The following HS6ST2 variants were observed in gnomAD, a reference collection of about 807,000 sequenced individuals.
HS6ST2 encodes heparan sulfate 6-O-sulfotransferase 2.
Under a neutral mutation model 33.0 loss-of-function variants are expected in HS6ST2, and 17 were observed. That is an observed-to-expected ratio of 0.52 (90% CI 0.35 to 0.77). The LOEUF is 0.77. Among genes scored for constraint, HS6ST2 ranks in the 30% least tolerant of loss-of-function variants. HS6ST2 has a pLI of 0.01. For synonymous variants in HS6ST2, 248 were observed against 237.1 expected (o/e 1.05, Z -0.42); for missense variants, 519 against 551.7 (o/e 0.94, Z 0.59).
At chrX:132,762,938 G>A (rs1436937145) in intron 2 of HS6ST2, among the ~76,000 whole-genome samples, 1 of 111,852 alleles carries the variant, frequency 8.9e-6, no homozygotes, top group Non-Finnish European at 1.9e-5. Flanking sequence ...ATGTGACCCT[G>A]GGTAAGTTTC....
intron 2 of HS6ST2, among the ~76,000 whole-genome samples, chrX:132,923,058 G>A (rs1479860504): frequency 3.3e-5 from 2 of 60,048 alleles, no homozygotes; most frequent in East Asian, 1.1e-3. Flanking sequence ...GCTGGACTCT[G>A]TCTCAAAAAA....
chrX:132,931,371 G>T (rs1251222052), intron 2 of HS6ST2, among the ~76,000 whole-genome samples: 2 of 111,799 alleles, frequency 1.8e-5, no homozygotes, highest in Non-Finnish European at 3.8e-5. Flanking sequence ...GAAGACAGGG[G>T]CTCCCTTCCT....
At chrX:132,642,115 G>T (rs958551641) in intron 4 of HS6ST2, among the ~76,000 whole-genome samples, 2 of 111,171 alleles carry the variant, frequency 1.8e-5, no homozygotes, top group African/African-American at 6.5e-5. Context: ...AAGAAATCAA[G>T]TAAGAGGCCT....
intron 2 of HS6ST2, among the ~76,000 whole-genome samples, chrX:132,809,398 A>C (rs146738173): frequency 1.8e-5 from 2 of 112,400 alleles, no homozygotes; most frequent in South Asian, 3.7e-4. Context: ...ATCTCTGAGA[A>C]TAGATCCCAG....
intron 4 of HS6ST2, among the ~76,000 whole-genome samples, chrX:132,641,896 T>C (rs1372197520): frequency 8.9e-6 from 1 of 112,380 alleles, no homozygotes; most frequent in East Asian, 2.8e-4. Flanking sequence ...TCTGTGGTTT[T>C]TGTGGGCCCC....
intron 2 of HS6ST2, among the ~76,000 whole-genome samples, chrX:132,898,103 A>T (rs1364229632): frequency 3.7e-5 from 4 of 109,235 alleles, no homozygotes; most frequent in Non-Finnish European, 7.6e-5. Context: ...CATGCAACGG[A>T]TCTAGGTTGC....
chrX:132,905,789 C>T (rs1439583800), intron 2 of HS6ST2, among the ~76,000 whole-genome samples: 1 of 111,785 alleles, frequency 8.9e-6, no homozygotes, highest in Non-Finnish European at 1.9e-5. Context: ...CTTAATTTAG[C>T]TATTTCCGTT....
chrX:132,750,108 C>T (rs1288747022), intron 2 of HS6ST2, among the ~76,000 whole-genome samples: 1 of 110,193 alleles, frequency 9.1e-6, no homozygotes, highest in African/African-American at 3.3e-5. Flanking sequence ...TGCAAAACAC[C>T]AAGAGCCAAC....
intron 2 of HS6ST2, among the ~76,000 whole-genome samples, chrX:132,797,421 A>G (rs888142041): frequency 5.3e-5 from 6 of 112,212 alleles, no homozygotes; most frequent in Non-Finnish European, 9.4e-5. Context: ...CAAGAACACC[A>G]TCACTATTGG....
At chrX:132,656,868 T>C (rs2063734042) in intron 4 of HS6ST2, among the ~76,000 whole-genome samples, 1 of 111,781 alleles carries the variant, frequency 8.9e-6, no homozygotes, top group African/African-American at 3.2e-5. Flanking sequence ...TTTGAGGTCC[T>C]CCCTCAGAAC....
chrX:132,775,072 A>G (rs1371361835), intron 2 of HS6ST2, among the ~76,000 whole-genome samples: 1 of 108,916 alleles, frequency 9.2e-6, no homozygotes, highest in Non-Finnish European at 1.9e-5. Context: ...TTTCCAAAAC[A>G]CTCTCATCAC....
At chrX:132,705,864 A>T (rs2064185069) in intron 3 of HS6ST2, among the ~76,000 whole-genome samples, 1 of 111,931 alleles carries the variant, frequency 8.9e-6, no homozygotes, top group South Asian at 3.7e-4. Context: ...ATATTGGTTG[A>T]GTGTCTCATT....
At chrX:132,749,102 A>C (rs1326783430) in intron 2 of HS6ST2, among the ~76,000 whole-genome samples, 3 of 112,003 alleles carry the variant, frequency 2.7e-5, no homozygotes, top group Non-Finnish European at 5.6e-5. Context: ...ACCTCCTCTG[A>C]GCAGCCTTTC....
intron 2 of HS6ST2, among the ~76,000 whole-genome samples, chrX:132,813,155 A>G (rs980462468): frequency 1.8e-5 from 2 of 111,551 alleles, no homozygotes; most frequent in South Asian, 7.6e-4. Flanking sequence ...TCCACCCATA[A>G]TATTCTACTT....
In HS6ST2 at chrX:132,949,001, T is replaced by C. The variant is rs1282285187; in HGVS notation, c.947+7807A>G. Among the ~76,000 whole-genome samples the C allele has an allele frequency of 8.9e-5, 10 of 111,815 alleles. No homozygotes were observed. In the Admixed American group the frequency reaches 9.5e-4, roughly 11 times the overall value. On this transcript the variant is annotated intron_variant, in intron 2 of 4. Coordinates refer to ENST00000370833, the MANE Select transcript of HS6ST2 (RefSeq NM_001394073.1). Reference sequence around the variant, plus strand: ...GTGCATAGAGTGGTCCCTCAGATATTGGAATAGTTGGACAATGACATTTCT... The same window carrying C: ...GTGCATAGAGTGGTCCCTCAGATATCGGAATAGTTGGACAATGACATTTCT...
At chrX:132,923,135 T>C (rs1353973169) in intron 2 of HS6ST2, among the ~76,000 whole-genome samples, 2 of 107,096 alleles carry the variant, frequency 1.9e-5, no homozygotes, top group Admixed American at 1.0e-4. Flanking sequence ...CTAGGATCAA[T>C]AGAAAGGAAA....
rs187629710 is a variant in HS6ST2, at chrX:132,957,417, C to A, written c.429-91G>T. 3,202 of 958,002 alleles carry A rather than the reference C, an allele frequency of 3.3e-3. 51 individuals are homozygous for A. The African/African-American group carries it at 0.053, about 16-fold the overall frequency. 79.0% of individuals were successfully genotyped at this position (958,002 alleles called of 1,213,427 possible). A position where few individuals can be genotyped will look rare whatever the true frequency, so the allele number is the denominator to read the frequency against. On this transcript the variant is annotated intron_variant, in intron 1 of 4. Coordinates refer to ENST00000370833, the MANE Select transcript of HS6ST2 (RefSeq NM_001394073.1). ...CCGCCCCCTTCCCCTGGAGCCGCTG[C>A]TGCGCCCCTCTCCCCCTCCCCTCCG...
intron 2 of HS6ST2, among the ~76,000 whole-genome samples, chrX:132,860,503 G>A (rs1356600813): frequency 9.0e-6 from 1 of 111,688 alleles, no homozygotes; most frequent in Non-Finnish European, 1.9e-5. Context: ...GATTATGTTT[G>A]ACTGAAGGCT....
At chrX:132,637,826 T>TATTATATATAATATAATATATATA in intron 4 of HS6ST2, among the ~76,000 whole-genome samples, 1 of 53,889 alleles carries the variant, frequency 1.9e-5, no homozygotes, top group East Asian at 5.3e-4. Context: ...ATATATATAA[T>TATTATATATAATATAATATATATA]ATTATATATA....
Sources: allele counts gnomAD v4.1 joint callset (sites outside exome capture counted in the v4.1 genomes callset), GRCh38; gene constraint gnomAD v4.1.1; transcripts MANE v1.5; gene names NCBI Gene and HGNC (gene_info 2026-07-23, HGNC 2026-07-21).